The following DAB1 variants were observed in gnomAD, a reference collection of about 807,000 sequenced individuals.
DAB1 encodes DAB adaptor protein 1, also known as disabled homolog 1.
In DAB1, 15 loss-of-function variants were observed where a neutral mutation model predicts 64.6. That is an observed-to-expected ratio of 0.23 (90% CI 0.16 to 0.36). DAB1 has a LOEUF of 0.36. Among genes scored for constraint, DAB1 ranks in the 10% least tolerant of loss-of-function variants. The pLI is 1.00. For missense variants in DAB1, 596 were observed against 706.7 expected (o/e 0.84, Z 1.78); for synonymous variants, 235 against 251.9 (o/e 0.93, Z 0.64).
chr1:57,605,765 A>G (rs1645628310), intron 7 of DAB1: 1 of 332,950 alleles, frequency 3.0e-6, no homozygotes, highest in South Asian at 3.8e-5. Context: ...ATCCTGATTG[A>G]TGGCCTTGGG....
chr1:58,112,939 A>G (rs1249531502), intron 5 of DAB1, among the ~76,000 whole-genome samples: 1 of 152,194 alleles, frequency 6.6e-6, no homozygotes, highest in Non-Finnish European at 1.5e-5. Context: ...CTGAGACACA[A>G]TGCTTCCTGT....
intron 5 of DAB1, among the ~76,000 whole-genome samples, chr1:58,143,225 T>G (rs1019326235): frequency 1.2e-4 from 19 of 152,076 alleles, no homozygotes; most frequent in African/African-American, 4.3e-4. Flanking sequence ...CTTTATTGAA[T>G]GGAAGTGTTT....
At chr1:57,710,653 G>A (rs540727421) in intron 6 of DAB1, among the ~76,000 whole-genome samples, 1,749 of 152,014 alleles carry the variant, frequency 0.012, 39 homozygotes, top group African/African-American at 0.039. Context: ...TTTTTTTGGG[G>A]GGGGGAGGTT....
chr1:57,186,322 C>G (rs1412455343), intron 2 of DAB1, among the ~76,000 whole-genome samples: 1 of 152,174 alleles, frequency 6.6e-6, no homozygotes, highest in East Asian at 1.9e-4. Context: ...GTGTCCAGCT[C>G]TCCACCACTT....
intron 1 of DAB1, among the ~76,000 whole-genome samples, chr1:57,871,647 G>C (rs1230875246): frequency 6.6e-6 from 1 of 152,100 alleles, no homozygotes; most frequent in African/African-American, 2.4e-5. Flanking sequence ...CTAAAAGACA[G>C]TTTTGCTCTA....
At chr1:58,310,164 CA>C (rs1662395454) in intron 4 of DAB1, among the ~76,000 whole-genome samples, 1 of 152,166 alleles carries the variant, frequency 6.6e-6, no homozygotes, top group African/African-American at 2.4e-5. Flanking sequence ...AGGAGTTTAG[CA>C]TACAATTTCT....
intron 4 of DAB1, among the ~76,000 whole-genome samples, chr1:58,220,409 A>G (rs1194425213): frequency 6.6e-6 from 1 of 152,200 alleles, no homozygotes; most frequent in East Asian, 1.9e-4. Flanking sequence ...TTTAAAATAG[A>G]TAATCTTTAC....
intron 5 of DAB1, among the ~76,000 whole-genome samples, chr1:58,065,468 A>C (rs1648796114): frequency 6.6e-6 from 1 of 152,190 alleles, no homozygotes; most frequent in South Asian, 2.1e-4. Flanking sequence ...AAAATAAAAG[A>C]CTTATATTTT....
At chr1:58,430,136 G>C (rs1644856598) in intron 3 of DAB1, among the ~76,000 whole-genome samples, 1 of 152,122 alleles carries the variant, frequency 6.6e-6, no homozygotes, top group East Asian at 1.9e-4. Flanking sequence ...AATTTGCAGG[G>C]GGCACAAAGC....
At chr1:58,209,854 G>C (rs1658465514) in intron 4 of DAB1, among the ~76,000 whole-genome samples, 1 of 152,074 alleles carries the variant, frequency 6.6e-6, no homozygotes, top group Admixed American at 6.6e-5. Flanking sequence ...TTGATATGCA[G>C]ACAATTAGAA....
At chr1:58,041,033 G>T (rs1016461484) in intron 5 of DAB1, among the ~76,000 whole-genome samples, 1 of 152,164 alleles carries the variant, frequency 6.6e-6, no homozygotes, top group Non-Finnish European at 1.5e-5. Context: ...AGCTACACTG[G>T]TCTCTAGCTC....
intron 6 of DAB1, among the ~76,000 whole-genome samples, chr1:57,650,824 C>G (rs1646247817): frequency 6.6e-6 from 1 of 152,136 alleles, no homozygotes; most frequent in East Asian, 1.9e-4. Context: ...TAACACTGCA[C>G]TGGAATTATC....
At chr1:57,269,780 C>T (rs552924669) in intron 2 of DAB1, among the ~76,000 whole-genome samples, 1 of 152,144 alleles carries the variant, frequency 6.6e-6, no homozygotes, top group African/African-American at 2.4e-5. Flanking sequence ...GAGTGACTGG[C>T]AGGTGGGGGA....
chr1:57,275,303 A>T (rs566375343), intron 2 of DAB1, among the ~76,000 whole-genome samples: 1 of 152,308 alleles, frequency 6.6e-6, no homozygotes, highest in South Asian at 2.1e-4. Context: ...AGGAGAGACA[A>T]ATAATGGAAT....
chr1:57,649,413 G>T (rs1646230372), intron 7 of DAB1, among the ~76,000 whole-genome samples: 1 of 152,118 alleles, frequency 6.6e-6, no homozygotes, highest in African/African-American at 2.4e-5. Flanking sequence ...GCCGACTAGA[G>T]AAAAGCAACC....
intron 1 of DAB1, among the ~76,000 whole-genome samples, chr1:57,407,009 G>T (rs777216994): frequency 1.3e-5 from 2 of 152,212 alleles, no homozygotes; most frequent in African/African-American, 2.4e-5. Context: ...TTTTCTGTAA[G>T]TTATGGATTA....
At chr1:58,199,993 G>T (rs1310453164) in intron 4 of DAB1, among the ~76,000 whole-genome samples, 1 of 152,104 alleles carries the variant, frequency 6.6e-6, no homozygotes, top group African/African-American at 2.4e-5. Flanking sequence ...GGTTCTTCAT[G>T]CCAGGCCTGG....
At chr1:58,122,472 T>C (rs1652810421) in intron 5 of DAB1, among the ~76,000 whole-genome samples, 1 of 151,914 alleles carries the variant, frequency 6.6e-6, no homozygotes, top group African/African-American at 2.4e-5. Context: ...ATGGATCAAA[T>C]GAGATGATGT....
chr1:58,309,153 G>A (rs1333597680), intron 4 of DAB1, among the ~76,000 whole-genome samples: 3 of 152,154 alleles, frequency 2.0e-5, no homozygotes, highest in Non-Finnish European at 4.4e-5. Context: ...GAAGTATTGT[G>A]AGATTTGAGA....
Sources: allele counts gnomAD v4.1 joint callset (sites outside exome capture counted in the v4.1 genomes callset), GRCh38; gene constraint gnomAD v4.1.1; transcripts MANE v1.5; gene names NCBI Gene and HGNC (gene_info 2026-07-23, HGNC 2026-07-21).